RASGRF2: variants seen among roughly 807,000 people sequenced by gnomAD.
The protein encoded by RASGRF2 is ras-specific guanine nucleotide-releasing factor 2.
RASGRF2 carries 76 observed loss-of-function variants against 151.0 expected under a neutral mutation model. The observed-to-expected ratio is 0.50, with a 90% CI of 0.42 to 0.61. The LOEUF (loss-of-function observed/expected upper bound fraction) is 0.61. RASGRF2 is among the 20% of genes least tolerant of loss of function. RASGRF2 has a pLI of 0.00. For missense variants in RASGRF2, 1,148 were observed against 1,564.6 expected (o/e 0.73, Z 4.49); for synonymous variants, 504 against 566.5 (o/e 0.89, Z 1.57).
intron 12 of RASGRF2, among the ~76,000 whole-genome samples, chr5:81,097,814 CAG>C (rs1172403433): frequency 2.6e-5 from 4 of 152,142 alleles, no homozygotes; most frequent in South Asian, 2.1e-4. Context: ...AATGAGGTAA[CAG>C]GGGCCAGATC....
chr5:80,979,282 A>G (rs989158679), intron 1 of RASGRF2, among the ~76,000 whole-genome samples: 2 of 152,242 alleles, frequency 1.3e-5, no homozygotes, highest in African/African-American at 2.4e-5. Context: ...TGAAAGTACA[A>G]TCTGTGAATT....
chr5:81,068,848 A>G (rs924102529), intron 3 of RASGRF2, among the ~76,000 whole-genome samples: 2 of 152,144 alleles, frequency 1.3e-5, no homozygotes, highest in African/African-American at 4.8e-5. Flanking sequence ...CCCAGGCCTC[A>G]GTCTAGATAG....
chr5:81,016,443 A>G (rs1329479839), intron 1 of RASGRF2, among the ~76,000 whole-genome samples: 1 of 152,178 alleles, frequency 6.6e-6, no homozygotes, highest in East Asian at 1.9e-4. Context: ...TCTCTTAGGC[A>G]TTCTTAAAAT....
intron 1 of RASGRF2, among the ~76,000 whole-genome samples, chr5:81,036,258 G>A (rs1015694755): frequency 1.3e-5 from 2 of 151,850 alleles, no homozygotes; most frequent in Admixed American, 6.6e-5. Context: ...CTGGTGAATC[G>A]TTATAGTCAT....
intron 18 of RASGRF2, among the ~76,000 whole-genome samples, chr5:81,184,778 C>A (rs1464489022): frequency 6.6e-6 from 1 of 152,220 alleles, no homozygotes; most frequent in African/African-American, 2.4e-5. Flanking sequence ...TTTCTCACCT[C>A]CTTGATTCAT....
chr5:81,056,722 G>A (rs1047284167), intron 2 of RASGRF2, among the ~76,000 whole-genome samples: 1 of 152,174 alleles, frequency 6.6e-6, no homozygotes, highest in Non-Finnish European at 1.5e-5. Context: ...AATGTTGACA[G>A]TGTGGTGTTA....
At chr5:81,047,071 T>C (rs1425594265) in intron 2 of RASGRF2, among the ~76,000 whole-genome samples, 1 of 152,182 alleles carries the variant, frequency 6.6e-6, no homozygotes, top group East Asian at 1.9e-4. Flanking sequence ...CTAACACATC[T>C]CTCAGGCCCC....
chr5:81,192,676 TCTC>T (rs374942121), intron 18 of RASGRF2, among the ~76,000 whole-genome samples: 13 of 152,280 alleles, frequency 8.5e-5, no homozygotes, highest in African/African-American at 2.9e-4. Flanking sequence ...TAAGGTCTCT[TCTC>T]CTCAGAAGAG....
intron 13 of RASGRF2, among the ~76,000 whole-genome samples, chr5:81,109,665 A>T (rs917162980): frequency 2.7e-5 from 4 of 149,658 alleles, no homozygotes; most frequent in African/African-American, 9.8e-5. Flanking sequence ...GACTCCATTT[A>T]AAAAAAAAAT....
intron 5 of RASGRF2, among the ~76,000 whole-genome samples, chr5:81,075,399 C>T (rs965249462): frequency 2.0e-5 from 3 of 152,258 alleles, no homozygotes; most frequent in East Asian, 1.9e-4. Flanking sequence ...TTTATACGGT[C>T]GTGCAAGAGC....
intron 15 of RASGRF2, among the ~76,000 whole-genome samples, chr5:81,117,060 A>C (rs1306043836): frequency 6.6e-6 from 1 of 152,212 alleles, no homozygotes; most frequent in East Asian, 1.9e-4. Flanking sequence ...CTTGTTGTGC[A>C]GGGAATGTTC....
At chr5:81,080,100 T>C in intron 5 of RASGRF2, 21 bp from the exon 6 acceptor site, 1 of 1,592,766 alleles carries the variant, frequency 6.3e-7, no homozygotes, top group South Asian at 1.2e-5. Context: ...CTAAATTATA[T>C]TATTTTTCCT....
chr5:81,053,440 A>G (rs1005510090), intron 2 of RASGRF2, among the ~76,000 whole-genome samples: 96 of 151,952 alleles, frequency 6.3e-4, no homozygotes, highest in African/African-American at 2.2e-3. Flanking sequence ...CCATGTCCCT[A>G]CAAAGGACAT....
chr5:81,162,335 G>T (rs377426976), intron 17 of RASGRF2, among the ~76,000 whole-genome samples: 6 of 150,996 alleles, frequency 4.0e-5, no homozygotes, highest in South Asian at 2.1e-4. Flanking sequence ...GTGCTGGGGG[G>T]TTTTTTTGTT....
At chr5:81,207,011 C>A in intron 20 of RASGRF2, 106 bp downstream of exon 20, 1 of 988,642 alleles carries the variant, frequency 1.0e-6, no homozygotes, top group Non-Finnish European at 1.6e-6. Context: ...ATTAGGCCCT[C>A]TGTCCTATCT....
chr5:81,140,843 T>C (rs1325968119), intron 17 of RASGRF2, among the ~76,000 whole-genome samples: 1 of 152,176 alleles, frequency 6.6e-6, no homozygotes, highest in Non-Finnish European at 1.5e-5. Context: ...ATTACATTAC[T>C]GTTTCATCCA....
chr5:81,145,451 A>G (rs1753983822), intron 17 of RASGRF2, among the ~76,000 whole-genome samples: 1 of 152,202 alleles, frequency 6.6e-6, no homozygotes, highest in African/African-American at 2.4e-5. Context: ...CGTTCAAGAA[A>G]TGGTGCTAAA....
chr5:81,020,949 T>A (rs1252476528), intron 1 of RASGRF2, among the ~76,000 whole-genome samples: 1 of 152,148 alleles, frequency 6.6e-6, no homozygotes, highest in Non-Finnish European at 1.5e-5. Context: ...TTGCTCCAGG[T>A]CTCATAACTT....
intron 2 of RASGRF2, among the ~76,000 whole-genome samples, chr5:81,062,017 A>AAC (rs1554090623): frequency 1.4e-4 from 9 of 66,126 alleles, no homozygotes; most frequent in Middle Eastern, 7.9e-3. Context: ...AAAAAAAAAA[A>AAC]AAAAAAACTG....
Sources: allele counts gnomAD v4.1 joint callset (sites outside exome capture counted in the v4.1 genomes callset), GRCh38; gene constraint gnomAD v4.1.1; transcripts MANE v1.5; gene names NCBI Gene and HGNC (gene_info 2026-07-23, HGNC 2026-07-21).